The following OPHN1 variants were observed in gnomAD, a reference collection of about 807,000 sequenced individuals.
OPHN1 encodes oligophrenin-1.
Under a neutral mutation model 60.7 loss-of-function variants are expected in OPHN1, and 11 were observed. The ratio of observed to expected loss-of-function variants is 0.18; its 90% CI spans 0.11 to 0.30. The LOEUF (loss-of-function observed/expected upper bound fraction) is 0.30. Ranked by LOEUF, OPHN1 falls within the 10% of genes least tolerant of loss-of-function variation. OPHN1 has a pLI of 1.00. For synonymous variants in OPHN1, 226 were observed against 222.6 expected, an observed-to-expected ratio of 1.02 and a Z score of -0.14; for missense variants, 449 against 611.0, an observed-to-expected ratio of 0.73 and a Z score of 2.80.
At chrX:68,111,110 T>A (rs1360824840) in intron 18 of OPHN1, among the ~76,000 whole-genome samples, 2 of 112,341 alleles carry the variant, frequency 1.8e-5, no homozygotes, top group African/African-American at 6.5e-5. Context: ...TACAATTTTT[T>A]AATATATATA....
chrX:68,259,951 G>A (rs2077884994), intron 5 of OPHN1, among the ~76,000 whole-genome samples: 1 of 111,928 alleles, frequency 8.9e-6, no homozygotes, highest in Non-Finnish European at 1.9e-5. Context: ...CGGATTGCTG[G>A]TGGAAGGTGC....
intron 2 of OPHN1, among the ~76,000 whole-genome samples, chrX:68,311,520 C>T (rs770472422): frequency 9.0e-6 from 1 of 111,270 alleles, no homozygotes; most frequent in African/African-American, 3.3e-5. Flanking sequence ...GCAACCTCCG[C>T]CTCCTGGGTT....
At chrX:68,229,720 C>G (rs1462526276) in intron 6 of OPHN1, among the ~76,000 whole-genome samples, 1 of 112,295 alleles carries the variant, frequency 8.9e-6, no homozygotes, top group Non-Finnish European at 1.9e-5. Flanking sequence ...ATGTAGAAAG[C>G]TGAAACTGGA....
At chrX:68,167,828 G>A (rs1211677797) in intron 15 of OPHN1, among the ~76,000 whole-genome samples, 6 of 110,030 alleles carry the variant, frequency 5.5e-5, no homozygotes, top group Non-Finnish European at 1.1e-4. Context: ...GATCCTGGAA[G>A]CAACTTAAGT....
rs758316054 is a variant in OPHN1 at position 68,095,546 on chromosome X, C to T, written c.1686+1324G>A. On this transcript the variant is annotated intron_variant, in intron 19 of 24. Coordinates refer to ENST00000355520, the MANE Select transcript of OPHN1 (RefSeq NM_002547.3). ...GGATGTCTTTCACAAATCTCAAATG[C>T]GACCTGTTCCAAACTGAACTTTCCT... Among the ~76,000 whole-genome samples the T allele has an allele frequency of 4.5e-5, 5 of 111,911 alleles. No homozygotes were observed. In the East Asian group the frequency reaches 1.1e-3, roughly 25 times the overall value.
chrX:68,339,722 C>T (rs901893531), intron 2 of OPHN1, among the ~76,000 whole-genome samples: 3 of 111,516 alleles, frequency 2.7e-5, no homozygotes, highest in Non-Finnish European at 5.6e-5. Flanking sequence ...CGTGCTTCAG[C>T]CTCCCAGGTA....
At chrX:68,175,317 GC>G (rs1243329173) in intron 15 of OPHN1, among the ~76,000 whole-genome samples, 1 of 111,064 alleles carries the variant, frequency 9.0e-6, no homozygotes, top group Admixed American at 9.6e-5. Context: ...ATTTTGAAAG[GC>G]AGAGAGAAAT....
At chrX:68,175,039 G>A (rs1305139291) in intron 15 of OPHN1, among the ~76,000 whole-genome samples, 12 of 108,411 alleles carry the variant, frequency 1.1e-4, no homozygotes, top group African/African-American at 3.0e-4. Flanking sequence ...AGCCGAGGTC[G>A]CACCATTGCA....
intron 16 of OPHN1, among the ~76,000 whole-genome samples, chrX:68,113,969 A>AT (rs2077116325): frequency 2.7e-5 from 2 of 72,936 alleles, no homozygotes; most frequent in Non-Finnish European, 4.6e-5. Context: ...TATAATAATA[A>AT]TAAAAAAAAA....
At chrX:68,199,932 ACG>A (rs1465184581) in intron 11 of OPHN1, among the ~76,000 whole-genome samples, 1 of 111,484 alleles carries the variant, frequency 9.0e-6, no homozygotes, top group African/African-American at 3.3e-5. Flanking sequence ...ATGGTGGCAC[ACG>A]CCTGTAGTCC....
chrX:68,163,157 GGTTGTA>G (rs1447378296), intron 15 of OPHN1, among the ~76,000 whole-genome samples: 1 of 110,993 alleles, frequency 9.0e-6, no homozygotes, highest in African/African-American at 3.3e-5. Flanking sequence ...GATATCTAAA[GGTTGTA>G]GTTCCAAACT....
In OPHN1 at chrX:68,108,841, CT is replaced by C. The variant is rs1482330570; in HGVS notation, c.1526+3012del. Reference sequence around the variant, plus strand: ...GGTTTATAATTTTTGATTTAATTTTCTTTTTTGGATATGTAAAACATTAATA... The same window carrying C: ...GGTTTATAATTTTTGATTTAATTTTCTTTTTGGATATGTAAAACATTAATA... On this transcript the variant is annotated intron_variant, in intron 18 of 24. Coordinates refer to ENST00000355520, the MANE Select transcript of OPHN1 (RefSeq NM_002547.3). Among the ~76,000 whole-genome samples, 15 of 111,152 alleles carry C rather than the reference CT, an allele frequency of 1.3e-4. No individual in the cohort carries two copies. The East Asian group carries it at 3.7e-3, about 27-fold the overall frequency.
chrX:68,098,788 G>GT (rs1387838420), intron 18 of OPHN1, among the ~76,000 whole-genome samples: 1 of 111,662 alleles, frequency 9.0e-6, no homozygotes, highest in East Asian at 2.8e-4. Context: ...GGGCACTTGT[G>GT]TATCTCCTTT....
intron 15 of OPHN1, among the ~76,000 whole-genome samples, chrX:68,166,508 T>C (rs963179679): frequency 1.1e-4 from 12 of 111,586 alleles, no homozygotes; most frequent in Non-Finnish European, 1.9e-4. Flanking sequence ...CACTCCAGCC[T>C]GGGCAACAAA....
intron 23 of OPHN1, among the ~76,000 whole-genome samples, chrX:68,052,289 C>CAAA (rs72307579): frequency 1.3e-4 from 8 of 61,200 alleles, no homozygotes; most frequent in Non-Finnish European, 2.0e-4. Flanking sequence ...GACACCATCT[C>CAAA]AAAAAAAAAA....
intron 2 of OPHN1, among the ~76,000 whole-genome samples, chrX:68,368,646 T>C (rs7054023): frequency 0.083 from 9,221 of 111,272 alleles, 944 homozygotes; most frequent in African/African-American, 0.29. Flanking sequence ...GCTTTCACCT[T>C]GAGCTAGTTT....
At chrX:68,048,576 G>A in intron 23 of OPHN1, 119 bp from the exon 24 acceptor site, 2 of 597,074 alleles carry the variant, frequency 3.3e-6, no homozygotes, top group Admixed American at 2.5e-5. Flanking sequence ...AAATGGAGAA[G>A]TGATTCAGCC....
At chrX:68,364,734 A>C (rs1370921807) in intron 2 of OPHN1, among the ~76,000 whole-genome samples, 1 of 112,402 alleles carries the variant, frequency 8.9e-6, no homozygotes, top group Non-Finnish European at 1.9e-5. Flanking sequence ...AATATATTTC[A>C]TCAATCACAC....
chrX:68,405,848 A>G (rs754620393), intron 2 of OPHN1, among the ~76,000 whole-genome samples: 1 of 111,720 alleles, frequency 9.0e-6, no homozygotes, highest in South Asian at 3.7e-4. Context: ...AAGATATTAT[A>G]TAAAGGGCAA....
Sources: gnomAD v4.1 joint callset for allele counts (sites outside exome capture counted in the v4.1 genomes callset) on GRCh38, gnomAD v4.1.1 for gene constraint, MANE v1.5 for transcripts, NCBI Gene and HGNC (gene_info 2026-07-23, HGNC 2026-07-21) for gene names.